Variants in TENT5B observed in about 807,000 individuals in gnomAD.
The protein encoded by TENT5B is terminal nucleotidyltransferase 5B.
Under a neutral mutation model 21.7 loss-of-function variants are expected in TENT5B, and 12 were observed. The observed-to-expected ratio is 0.55, with a 90% CI of 0.36 to 0.90. The LOEUF (loss-of-function observed/expected upper bound fraction) is 0.90. Among genes scored for constraint, TENT5B ranks in the 40% least tolerant of loss-of-function variants. TENT5B has a pLI of 0.01. For synonymous variants in TENT5B, 262 were observed against 266.6 expected, an observed-to-expected ratio of 0.98 and a Z score of 0.17; for missense variants, 540 against 601.5, an observed-to-expected ratio of 0.90 and a Z score of 1.07.
In TENT5B at chr1:27,012,718, G is replaced by T; in HGVS notation, c.-48C>A. On this transcript the variant is annotated 5_prime_UTR_variant, in exon 1 of 2. Coordinates refer to ENST00000289166, the MANE Select transcript of TENT5B (RefSeq NM_052943.4). ...CGGCAGAAACCGTGGGGGTGGTTAA[G>T]GGGAGGAGGACAGGGAGAGCGGCTG... 7.0e-7 allele frequency: 1 copy of T among 1,433,940 alleles called. No homozygotes were observed. The highest frequency in any genetic ancestry group is 1.4e-5 in the South Asian group (1 of 68,972). The allele number at this position is 1,433,940 out of a possible 1,614,324, so 88.8% of individuals were successfully genotyped here.
In TENT5B at chr1:27,006,439, C is replaced by T; in HGVS notation, c.783G>A (p.Leu261=). The change falls in exon 2 of 2, where the codon CTG becomes CTA. Residue 261 remains leucine (L), a synonymous_variant. Transcript: ENST00000289166. The surrounding 1 kb of genome is among the most constrained non-coding windows in gnomAD (Gnocchi z 9.4). ...YGDFTEALEH[L]RHRVIATRSP... ...TGCGCGTGGCGATGACACGGTGCCGCAGGTGCTCCAGGGCCTCGGTGAAGT... is the reference window on the plus strand; with the variant it reads ...TGCGCGTGGCGATGACACGGTGCCGTAGGTGCTCCAGGGCCTCGGTGAAGT... 6.2e-7 allele frequency: 1 copy of T among 1,613,616 alleles called. No homozygotes were observed. Among genetic ancestry groups the T allele is most frequent in the Non-Finnish European group, 8.5e-7 (1 of 1,179,894 alleles).
chr1:27,006,300 G>A lies in TENT5B; in HGVS notation c.922C>T (p.Arg308Cys), dbSNP rs747904946. Residue 308 changes from arginine (R) to cysteine (C), a missense_variant, in exon 2 of 2, where the codon CGC becomes TGC. By Grantham distance (180) the Arg-to-Cys change is radical. Transcript: ENST00000289166. The surrounding 1 kb of genome is among the most constrained non-coding windows in gnomAD (Gnocchi z 9.4). ...VRALQRYMCSRFFIDFPDLVE... is the reference protein window; with the variant it reads ...VRALQRYMCSCFFIDFPDLVE... Reference sequence around the variant, plus strand: ...AGGTCTGGAAAGTCGATGAAGAAGCGGGAGCACATGTAGCGCTGCAGGGCG... The same window carrying A: ...AGGTCTGGAAAGTCGATGAAGAAGCAGGAGCACATGTAGCGCTGCAGGGCG... The A allele has an allele frequency of 1.2e-5, 19 of 1,611,632 alleles. No individual in the cohort carries two copies. The highest frequency in any genetic ancestry group is 1.1e-5 in the South Asian group (1 of 90,990).
chr1:27,009,218 C>A (rs2082614082), intron 1 of TENT5B, among the ~76,000 whole-genome samples: 1 of 151,950 alleles, frequency 6.6e-6, no homozygotes, highest in Non-Finnish European at 1.5e-5. Context: ...ATTCCCCTGC[C>A]TCAGCCTCCC....
At chr1:27,009,139 T>G (rs2082613752) in intron 1 of TENT5B, among the ~76,000 whole-genome samples, 1 of 151,488 alleles carries the variant, frequency 6.6e-6, no homozygotes, top group Non-Finnish European at 1.5e-5. Flanking sequence ...CCCAGCAATT[T>G]TTTATTGTTT....
Position 27,008,977 on chromosome 1 carries a change from C to CTTT in TENT5B, c.265-2023_265-2021dup, listed in dbSNP as rs58360969. On this transcript the variant is annotated intron_variant, in intron 1 of 1. Transcript: ENST00000289166. ...CTCTACCTTCCTTTCCTCCATCCTTCTTTTTTTTTTTTTTTTTTTTTTTTT... is the reference window on the plus strand; with the variant it reads ...CTCTACCTTCCTTTCCTCCATCCTTCTTTTTTTTTTTTTTTTTTTTTTTTTTTT... 4.8e-3 allele frequency among the ~76,000 whole-genome samples: 149 copies of CTTT among 31,026 alleles called. 14 individuals are homozygous for CTTT. Among genetic ancestry groups the CTTT allele is most frequent in the African/African-American group, 0.012 (92 of 7,366 alleles). The allele number at this position is 31,026 out of a possible 152,430, so 20.4% of individuals were successfully genotyped here. A position where few individuals can be genotyped will look rare whatever the true frequency, so the allele number is the denominator to read the frequency against.
In TENT5B at chr1:27,006,964, G is replaced by C. The variant is rs2082603080; in HGVS notation, c.265-7C>G. The C allele has an allele frequency of 6.4e-7, 1 of 1,566,930 alleles. No homozygotes were observed. Among genetic ancestry groups the C allele is most frequent in the Non-Finnish European group, 8.7e-7 (1 of 1,153,224 alleles). ...CCAGGGTGCTGCGGACCACCTGCAG[G>C]GGAGAGCAGGAAGGAGAGGTGTCAG... is the stretch of plus-strand genomic sequence containing the variant. On this transcript the variant is annotated splice_polypyrimidine_tract_variant and splice_region_variant and intron_variant, in intron 1 of 1. Transcript: ENST00000289166. This position sits in a 1 kb window ranked among gnomAD's most constrained non-coding sequence, Gnocchi z 9.4.
chr1:27,006,559 G>T lies in TENT5B; in HGVS notation c.663C>A (p.Ile221=). 1 of 1,614,088 alleles carries T rather than the reference G, an allele frequency of 6.2e-7. No homozygotes were observed. ...QFEFSIDSFQ[I]ILDSLLLFGQ... ...CAAAGAGCAACAGGGAGTCCAGGATGATCTGGAAGGAGTCTATGCTGAATT... is the reference window on the plus strand; with the variant it reads ...CAAAGAGCAACAGGGAGTCCAGGATTATCTGGAAGGAGTCTATGCTGAATT... Residue 221 remains isoleucine, a synonymous_variant, in exon 2 of 2, where the codon ATC becomes ATA. Coordinates refer to ENST00000289166, the MANE Select transcript of TENT5B (RefSeq NM_052943.4). This position sits in a 1 kb window ranked among gnomAD's most constrained non-coding sequence, Gnocchi z 9.4.
At position 27,005,801 on chromosome 1, in the gene TENT5B, TG is replaced by T. The variant is rs1344179717; in HGVS notation, c.*142del. 1.7e-6 allele frequency: 2 copies of T among 1,158,954 alleles called. No individual in the cohort carries two copies. The highest frequency in any genetic ancestry group is 1.6e-5 in the African/African-American group (1 of 64,180). The allele number at this position is 1,158,954 out of a possible 1,614,324, so 71.8% of individuals were successfully genotyped here. The stretch of plus-strand genomic sequence containing the variant: ...CAGGGGCCTCGTGCTCGGGAAAGTC[TG>T]GTCTGTTCAATCAAAGGCCCAACCC... On this transcript the variant is annotated 3_prime_UTR_variant, in exon 2 of 2. Coordinates refer to ENST00000289166, the MANE Select transcript of TENT5B (RefSeq NM_052943.4).
At chr1:27,011,095 G>A (rs942490219) in intron 1 of TENT5B, among the ~76,000 whole-genome samples, 4 of 152,200 alleles carry the variant, frequency 2.6e-5, no homozygotes, top group African/African-American at 7.2e-5. Flanking sequence ...TGACTGTCCC[G>A]GGGATTAAAG....
chr1:27,012,539 G>C lies in TENT5B; in HGVS notation c.132C>G (p.Phe44Leu). 6.2e-7 allele frequency: 1 copy of C among 1,601,210 alleles called. No individual in the cohort carries two copies. Among genetic ancestry groups the C allele is most frequent in the Non-Finnish European group, 8.5e-7 (1 of 1,178,192 alleles). Reference sequence around the variant, plus strand: ...TCAGCCCACTCAGGTGCCGTCCGGGGAAGGCCGATAAGGCCTCCGGGTCGG... The same window carrying C: ...TCAGCCCACTCAGGTGCCGTCCGGGCAAGGCCGATAAGGCCTCCGGGTCGG... ...GGPDPEALSA[F>L]PGRHLSGLSW... The change falls in exon 1 of 2, where the codon TTC becomes TTG. Residue 44 changes from phenylalanine to leucine, a missense_variant. By Grantham distance (22) the Phe-to-Leu change is conservative. Coordinates refer to ENST00000289166, the MANE Select transcript of TENT5B (RefSeq NM_052943.4).
rs79402223 is a variant in TENT5B at position 27,007,035 on chromosome 1, G to C, written c.265-78C>G. Reference sequence around the variant, plus strand: ...CCAAGGACTTCCGTTTACTTATCACGGTAACTTCAACCACTATTGGCCCCT... The same window carrying C: ...CCAAGGACTTCCGTTTACTTATCACCGTAACTTCAACCACTATTGGCCCCT... On this transcript the variant is annotated intron_variant, in intron 1 of 1. Coordinates refer to ENST00000289166, the MANE Select transcript of TENT5B (RefSeq NM_052943.4). 8,513 of 1,315,922 alleles carry C rather than the reference G, an allele frequency of 6.5e-3. 397 individuals carry two copies. The African/African-American group carries it at 0.11, about 16-fold the overall frequency. 81.5% of individuals were successfully genotyped at this position (1,315,922 alleles called of 1,614,324 possible). A position where few individuals can be genotyped will look rare whatever the true frequency, so the allele number is the denominator to read the frequency against.
intron 1 of TENT5B, among the ~76,000 whole-genome samples, chr1:27,011,719 C>T (rs923755019): frequency 2.6e-5 from 4 of 152,138 alleles, no homozygotes; most frequent in African/African-American, 4.8e-5. Context: ...AGAGAGAGGA[C>T]GTGGGGCCTG....
chr1:27,010,000 C>T (rs1184882385), intron 1 of TENT5B, among the ~76,000 whole-genome samples: 1 of 152,200 alleles, frequency 6.6e-6, no homozygotes, highest in Non-Finnish European at 1.5e-5. Flanking sequence ...CCAAGGCCCT[C>T]CCCACAACCA....
intron 1 of TENT5B, 95 bp downstream of exon 1, chr1:27,012,312 T>A: frequency 6.5e-7 from 1 of 1,527,968 alleles, no homozygotes; most frequent in South Asian, 1.2e-5. Flanking sequence ...TCAGTTTCCC[T>A]AGCTGTCTAG....
Position 27,005,797 on chromosome 1 carries a change from A to G in TENT5B, c.*147T>C, listed in dbSNP as rs2082593334. The G allele has an allele frequency of 8.9e-7, 1 of 1,120,322 alleles. No homozygotes were observed. The highest frequency in any genetic ancestry group is 1.6e-5 in the African/African-American group (1 of 63,290). 69.4% of individuals were successfully genotyped at this position (1,120,322 alleles called of 1,614,324 possible). On this transcript the variant is annotated 3_prime_UTR_variant, in exon 2 of 2. Transcript: ENST00000289166. ...CCCACAGGGGCCTCGTGCTCGGGAAAGTCTGGTCTGTTCAATCAAAGGCCC... is the reference window on the plus strand; with the variant it reads ...CCCACAGGGGCCTCGTGCTCGGGAAGGTCTGGTCTGTTCAATCAAAGGCCC...
chr1:27,012,495 C>G lies in TENT5B; in HGVS notation c.176G>C (p.Arg59Pro). The change falls in exon 1 of 2, where the codon CGA (arginine) becomes CCA (proline). Residue 59 changes from arginine to proline, a missense_variant. By Grantham distance (103) the Arg-to-Pro change is moderately radical. Transcript: ENST00000289166. The part of the protein sequence containing the change: ...LSGLSWPQVK[R>P]LDALLSEPIP... ...CGGCTCGCTCAGAAGAGCGTCCAGT[C>G]GCTTCACCTGTGGCCAGCTCAGCCC... 1 of 1,609,332 alleles carries G rather than the reference C, an allele frequency of 6.2e-7. No homozygotes were observed. The highest frequency in any genetic ancestry group is 8.5e-7 in the Non-Finnish European group (1 of 1,179,552).
rs112273605 is a variant in TENT5B, at chr1:27,007,034, C to T, written c.265-77G>A. On this transcript the variant is annotated intron_variant, in intron 1 of 1. Transcript: ENST00000289166. ...ACCAAGGACTTCCGTTTACTTATCA[C>T]GGTAACTTCAACCACTATTGGCCCC... 2.3e-4 allele frequency: 325 copies of T among 1,392,620 alleles called. 5 individuals are homozygous for T. The African/African-American group carries it at 3.4e-3, about 14-fold the overall frequency. The allele number at this position is 1,392,620 out of a possible 1,614,324, so 86.3% of individuals were successfully genotyped here.
chr1:27,012,819 C>G lies in TENT5B; in HGVS notation c.-149G>C. 2 of 1,073,010 alleles carry G rather than the reference C, an allele frequency of 1.9e-6. No individual in the cohort carries two copies. Among genetic ancestry groups the G allele is most frequent in the Non-Finnish European group, 2.5e-6 (2 of 802,062 alleles). The allele number at this position is 1,073,010 out of a possible 1,614,324, so 66.5% of individuals were successfully genotyped here. On this transcript the variant is annotated 5_prime_UTR_variant, in exon 1 of 2. Coordinates refer to ENST00000289166, the MANE Select transcript of TENT5B (RefSeq NM_052943.4). ...GGCGAGACAAAGCCAGGGAACACCT[C>G]AGACGGCGACGACTAACCGACCCTA...
chr1:27,006,228 C>T lies in TENT5B; in HGVS notation c.994G>A (p.Gly332Ser), dbSNP rs897836296. Residue 332 changes from glycine to serine, a missense_variant, in exon 2 of 2, where the codon GGT (glycine) becomes AGT (serine). Gly to Ser is a moderately conservative substitution (Grantham distance 56). Coordinates refer to ENST00000289166, the MANE Select transcript of TENT5B (RefSeq NM_052943.4). The surrounding 1 kb of genome is among the most constrained non-coding windows in gnomAD (Gnocchi z 9.4). ...TLERYLEAHF[G>S]GADAARRYAC... is the part of the protein sequence containing the mutation. ...TAACGGCGGGCTGCATCTGCCCCAC[C>T]GAAGTGGGCCTCCAGGTAGCGCTCT... The T allele has an allele frequency of 8.1e-6, 13 of 1,610,772 alleles. No individual in the cohort carries two copies. The highest frequency in any genetic ancestry group is 2.7e-5 in the African/African-American group (2 of 74,910).
Sources: allele counts gnomAD v4.1 joint callset (sites outside exome capture counted in the v4.1 genomes callset), GRCh38; gene constraint gnomAD v4.1.1; non-coding constraint Gnocchi (gnomAD v3.1); transcripts MANE v1.5; gene names NCBI Gene and HGNC (gene_info 2026-07-23, HGNC 2026-07-21).